The following CSNK1G1 variants were observed in gnomAD, a reference collection of about 807,000 sequenced individuals.
CSNK1G1 encodes casein kinase 1 gamma 1, also known as casein kinase I isoform gamma-1.
A neutral mutation model predicts 59.6 loss-of-function variants in CSNK1G1; 22 were observed. That is an observed-to-expected ratio of 0.37 (90% CI 0.26 to 0.53). The LOEUF is 0.53. CSNK1G1 is among the 20% of genes least tolerant of loss of function. CSNK1G1 has a pLI of 0.89. For missense variants in CSNK1G1, 384 were observed against 519.5 expected, an observed-to-expected ratio of 0.74 and a Z score of 2.54; for synonymous variants, 179 against 177.1, an observed-to-expected ratio of 1.01 and a Z score of -0.08.
intron 2 of CSNK1G1, among the ~76,000 whole-genome samples, chr15:64,280,898 G>C (rs1269416261): frequency 1.3e-5 from 2 of 149,632 alleles, no homozygotes; most frequent in Non-Finnish European, 3.0e-5. Flanking sequence ...TCTTTTTTTT[G>C]AGACAGAGTC....
intron 10 of CSNK1G1, among the ~76,000 whole-genome samples, chr15:64,197,512 G>C (rs1393264873): frequency 6.6e-6 from 1 of 152,152 alleles, no homozygotes; most frequent in East Asian, 1.9e-4. Flanking sequence ...CAAGATCTCT[G>C]CAACAGCTTT....
In CSNK1G1 at chr15:64,332,088, A is replaced by C. The variant is rs1393150405; in HGVS notation, c.-225+23900T>G. Among the ~76,000 whole-genome samples, 964 of 143,998 alleles carry C rather than the reference A, an allele frequency of 6.7e-3. 11 individuals are homozygous for C. The highest frequency in any genetic ancestry group is 0.016 in the African/African-American group (642 of 38,970). The allele number at this position is 143,998 out of a possible 152,430, so 94.5% of individuals were successfully genotyped here. A position where few individuals can be genotyped will look rare whatever the true frequency, so the allele number is the denominator to read the frequency against. ...TACACTGTTGGTGGGACTGTAAACT[A>C]GTTCAACCATTGTGGAAGTCAGTGT... On this transcript the variant is annotated intron_variant, in intron 1 of 11. Coordinates refer to ENST00000303052, the MANE Select transcript of CSNK1G1 (RefSeq NM_022048.5).
intron 4 of CSNK1G1, among the ~76,000 whole-genome samples, chr15:64,226,559 C>CAAACAAAG (rs2082465006): frequency 6.8e-6 from 1 of 147,010 alleles, no homozygotes; most frequent in African/African-American, 2.5e-5. Context: ...CGTCTCAAAA[C>CAAACAAAG]AAACAAACAA....
At chr15:64,340,137 G>C (rs1897610537) in intron 1 of CSNK1G1, among the ~76,000 whole-genome samples, 1 of 152,114 alleles carries the variant, frequency 6.6e-6, no homozygotes, top group African/African-American at 2.4e-5. Flanking sequence ...TTGGTCTATA[G>C]AATACATATT....
intron 2 of CSNK1G1, among the ~76,000 whole-genome samples, chr15:64,275,254 G>C (rs979140911): frequency 6.6e-6 from 1 of 152,134 alleles, no homozygotes. Context: ...TGCCAGGCTG[G>C]TCTCAAACTC....
intron 11 of CSNK1G1, among the ~76,000 whole-genome samples, chr15:64,174,485 T>C (rs370013602): frequency 1.1e-3 from 165 of 152,372 alleles, no homozygotes; most frequent in Non-Finnish European, 1.9e-3. Context: ...TCTATTAAAC[T>C]GGGTCAGACT....
chr15:64,299,735 T>C (rs1895222074), intron 2 of CSNK1G1, among the ~76,000 whole-genome samples: 1 of 152,108 alleles, frequency 6.6e-6, no homozygotes, highest in Non-Finnish European at 1.5e-5. Flanking sequence ...TTGCCTTAGT[T>C]GGGAAATAAA....
intron 4 of CSNK1G1, among the ~76,000 whole-genome samples, chr15:64,231,721 TTTTCTC>T (rs1200488491): frequency 2.0e-5 from 3 of 151,754 alleles, no homozygotes; most frequent in African/African-American, 7.3e-5. Flanking sequence ...CTATAAAACC[TTTTCTC>T]TTTCTCAAAA....
intron 2 of CSNK1G1, among the ~76,000 whole-genome samples, chr15:64,259,522 ACATG>A (rs1892581417): frequency 3.3e-5 from 5 of 150,076 alleles, no homozygotes; most frequent in Admixed American, 2.7e-4. Context: ...ACACACACAC[ACATG>A]CATGCATATT....
At chr15:64,231,059 G>A (rs956305039) in intron 4 of CSNK1G1, among the ~76,000 whole-genome samples, 14 of 151,908 alleles carry the variant, frequency 9.2e-5, no homozygotes, top group South Asian at 8.3e-4. Flanking sequence ...GGGCATGGTG[G>A]CTCACACCTG....
intron 4 of CSNK1G1, among the ~76,000 whole-genome samples, chr15:64,236,888 T>C (rs1052029171): frequency 2.0e-5 from 3 of 152,158 alleles, no homozygotes; most frequent in African/African-American, 4.8e-5. Context: ...GGAATTAACC[T>C]AAGTGTCCAT....
intron 1 of CSNK1G1, among the ~76,000 whole-genome samples, chr15:64,301,849 T>C (rs1895358553): frequency 6.6e-6 from 1 of 151,486 alleles, no homozygotes; most frequent in South Asian, 2.1e-4. Context: ...CTCGTGCTAC[T>C]GCACTCCCAC....
At chr15:64,211,921 A>G (rs1378899321) in intron 6 of CSNK1G1, among the ~76,000 whole-genome samples, 1 of 152,264 alleles carries the variant, frequency 6.6e-6, no homozygotes, top group Non-Finnish European at 1.5e-5. Context: ...GCATTAAAAC[A>G]ACTTCTAGAG....
intron 4 of CSNK1G1, among the ~76,000 whole-genome samples, chr15:64,219,013 C>T (rs1259072723): frequency 6.6e-6 from 1 of 151,830 alleles, no homozygotes; most frequent in South Asian, 2.1e-4. Context: ...CACCACCACG[C>T]CCAGCTAATT....
At position 64,171,327 on chromosome 15, in the gene CSNK1G1, T is replaced by C. The variant is rs2081661896; in HGVS notation, c.*604A>G. ...TGCTCACAGCTTGTGTCCTACAGTG[T>C]AACTTCACAGGAGGGAGGGAAGAAG... On this transcript the variant is annotated 3_prime_UTR_variant, in exon 12 of 12. Coordinates refer to ENST00000303052, the MANE Select transcript of CSNK1G1 (RefSeq NM_022048.5). The surrounding 1 kb of genome is among the most constrained non-coding windows in gnomAD (Gnocchi z 4.8). 1 of 154,124 alleles carries C rather than the reference T, an allele frequency of 6.5e-6. No individual in the cohort carries two copies. Among genetic ancestry groups the C allele is most frequent in the Non-Finnish European group, 1.4e-5 (1 of 69,244 alleles). 9.5% of individuals were successfully genotyped at this position (154,124 alleles called of 1,614,324 possible). A position where few individuals can be genotyped will look rare whatever the true frequency, so the allele number is the denominator to read the frequency against.
intron 4 of CSNK1G1, among the ~76,000 whole-genome samples, chr15:64,228,280 T>C (rs1263990543): frequency 6.6e-6 from 1 of 152,350 alleles, no homozygotes; most frequent in East Asian, 1.9e-4. Context: ...AGATATAGCA[T>C]GGATATCTAT....
intron 1 of CSNK1G1, among the ~76,000 whole-genome samples, chr15:64,338,717 A>C (rs1015601537): frequency 1.5e-5 from 2 of 135,992 alleles, no homozygotes; most frequent in African/African-American, 2.7e-5. Context: ...AAAAAAAAAA[A>C]AAAAAAAAAA....
intron 2 of CSNK1G1, among the ~76,000 whole-genome samples, chr15:64,287,541 A>T (rs926872516): frequency 6.6e-6 from 1 of 152,158 alleles, no homozygotes; most frequent in African/African-American, 2.4e-5. Context: ...CCAGCAATAC[A>T]TATTAGCTGC....
chr15:64,211,755 G>A (rs1397945973), intron 6 of CSNK1G1, among the ~76,000 whole-genome samples: 2 of 152,130 alleles, frequency 1.3e-5, no homozygotes, highest in Non-Finnish European at 2.9e-5. Context: ...AAATTACATA[G>A]CTATTAAGAA....
Sources: gnomAD v4.1 joint callset for allele counts (sites outside exome capture counted in the v4.1 genomes callset) on GRCh38, gnomAD v4.1.1 for gene constraint, Gnocchi (gnomAD v3.1) non-coding constraint, MANE v1.5 for transcripts, NCBI Gene and HGNC (gene_info 2026-07-23, HGNC 2026-07-21) for gene names.